Variants in PRKAR1B observed in about 807,000 individuals in gnomAD.
PRKAR1B encodes the protein cAMP-dependent protein kinase type I-beta regulatory subunit.
In PRKAR1B, 22 loss-of-function variants were observed where a neutral mutation model predicts 46.5. That is an observed-to-expected ratio of 0.47 (90% CI 0.34 to 0.68). PRKAR1B has a LOEUF of 0.68. PRKAR1B is among the 30% of genes least tolerant of loss of function. The pLI is 0.01. For missense variants in PRKAR1B, 445 were observed against 535.6 expected (o/e 0.83, Z 1.67); for synonymous variants, 259 against 217.7 (o/e 1.19, Z -1.67).
chr7:607,122 G>C lies in PRKAR1B; in HGVS notation c.502+269C>G, dbSNP rs192280650. Among the ~76,000 whole-genome samples, 338 of 152,218 alleles carry C rather than the reference G, an allele frequency of 2.2e-3. No homozygotes were observed. Among genetic ancestry groups the C allele is most frequent in the Middle Eastern group, 6.8e-3 (2 of 294 alleles). On this transcript the variant is annotated intron_variant, in intron 5 of 10. Transcript: ENST00000537384. ...AGGTTCAAGCGATTCTCCTGCCTCA[G>C]CCTCTGGAGCAGCTGGGATTACAGG...
At chr7:599,474 G>A (rs555659113) in intron 6 of PRKAR1B, among the ~76,000 whole-genome samples, 1 of 151,788 alleles carries the variant, frequency 6.6e-6, no homozygotes, top group Non-Finnish European at 1.5e-5. Flanking sequence ...TTTTAGTAGA[G>A]ACGGGGTTTC....
At chr7:688,464 GC>G (rs1269830934) in intron 2 of PRKAR1B, among the ~76,000 whole-genome samples, 1 of 150,536 alleles carries the variant, frequency 6.6e-6, no homozygotes, top group African/African-American at 2.4e-5. Context: ...CCCTCCAATG[GC>G]CTCCGATCTG....
chr7:660,492 C>A (rs1785455253), intron 4 of PRKAR1B, among the ~76,000 whole-genome samples: 7 of 127,128 alleles, frequency 5.5e-5, no homozygotes, highest in Middle Eastern at 4.2e-3. Context: ...CAGGTCCCCA[C>A]CCCAACAGAT....
chr7:643,488 C>T (rs930719182), intron 4 of PRKAR1B, among the ~76,000 whole-genome samples: 5 of 151,254 alleles, frequency 3.3e-5, no homozygotes, highest in Non-Finnish European at 5.9e-5. Context: ...TTTGGGAGGC[C>T]GAGGCAGGCA....
At chr7:584,969 G>A (rs1299051305) in intron 7 of PRKAR1B, among the ~76,000 whole-genome samples, 1 of 152,140 alleles carries the variant, frequency 6.6e-6, no homozygotes, top group East Asian at 1.9e-4. Context: ...TCAAGCACAT[G>A]ACGTAGAAGG....
intron 4 of PRKAR1B, among the ~76,000 whole-genome samples, chr7:637,858 A>G (rs1266326537): frequency 6.6e-6 from 1 of 152,108 alleles, no homozygotes; most frequent in African/African-American, 2.4e-5. Context: ...TAAATAAATA[A>G]CAGGGAAGAT....
chr7:572,198 C>A (rs949822868), intron 9 of PRKAR1B, among the ~76,000 whole-genome samples: 1 of 152,188 alleles, frequency 6.6e-6, no homozygotes, highest in African/African-American at 2.4e-5. Context: ...GCGGTGGGTA[C>A]CATAGCTCTC....
chr7:562,986 G>C (rs1308496386), intron 9 of PRKAR1B, among the ~76,000 whole-genome samples: 5 of 152,206 alleles, frequency 3.3e-5, no homozygotes, highest in African/African-American at 1.2e-4. Flanking sequence ...ACTGACCAGG[G>C]TGCTGGACAC....
intron 4 of PRKAR1B, among the ~76,000 whole-genome samples, chr7:632,504 G>C (rs776560958): frequency 6.6e-6 from 1 of 152,286 alleles, no homozygotes; most frequent in South Asian, 2.1e-4. Context: ...CAGTGTCCCC[G>C]CTGCCGGGTC....
chr7:597,385 C>A (rs534447116), intron 6 of PRKAR1B, among the ~76,000 whole-genome samples: 28 of 152,314 alleles, frequency 1.8e-4, no homozygotes, highest in African/African-American at 6.5e-4. Context: ...TTCGGAGGCA[C>A]AGGGGCGACT....
In PRKAR1B at chr7:726,467, C is replaced by A. The variant is rs942389715; in HGVS notation, c.-23+743G>T. 1.7e-5 allele frequency: 6 copies of A among 354,148 alleles called. No individual in the cohort carries two copies. In the South Asian group the frequency reaches 4.5e-4, roughly 27 times the overall value. The allele number at this position is 354,148 out of a possible 1,614,324, so 21.9% of individuals were successfully genotyped here. On this transcript the variant is annotated intron_variant, in intron 1 of 10. Transcript: ENST00000537384. ...TATAGCCCGGGACCCGCATCCCGGG[C>A]GAGCTGCACCCTCCCGAGACCTTCC...
chr7:626,873 T>C (rs989316415), intron 4 of PRKAR1B, among the ~76,000 whole-genome samples: 17 of 151,708 alleles, frequency 1.1e-4, no homozygotes, highest in African/African-American at 4.1e-4. Context: ...CATGCTCAGC[T>C]AATTTTTATT....
At chr7:596,615 G>A (rs1303953378) in intron 6 of PRKAR1B, among the ~76,000 whole-genome samples, 2 of 152,202 alleles carry the variant, frequency 1.3e-5, no homozygotes, top group Non-Finnish European at 2.9e-5. Flanking sequence ...CCGCTCTGCG[G>A]CACAGCGGCC....
chr7:612,124 AATGGATGGATGGATGGATGTAAGG>A (rs1782541261), intron 4 of PRKAR1B, among the ~76,000 whole-genome samples: 3 of 140,000 alleles, frequency 2.1e-5, no homozygotes, highest in African/African-American at 8.2e-5. Flanking sequence ...TGAGTAGATT[AATGGATGGATGGATGGATGTAAGG>A]ATGGATGATG....
chr7:671,195 T>C (rs1204152965), intron 4 of PRKAR1B, among the ~76,000 whole-genome samples: 1 of 147,564 alleles, frequency 6.8e-6, no homozygotes, highest in Admixed American at 6.7e-5. Context: ...GTTGCCTTCA[T>C]CGAGCTCCGC....
chr7:614,352 T>C (rs747572710), intron 4 of PRKAR1B, among the ~76,000 whole-genome samples: 14 of 152,236 alleles, frequency 9.2e-5, no homozygotes, highest in Non-Finnish European at 1.5e-4. Flanking sequence ...CTGGGTTGAA[T>C]GCCTTTCACC....
intron 6 of PRKAR1B, 142 bp from the exon 7 acceptor site, chr7:596,446 GCCCTGCGTT>G: frequency 9.5e-7 from 1 of 1,049,302 alleles, no homozygotes. Flanking sequence ...TGTGGGCAGA[GCCCTGCGTT>G]CCCCAGCAAT....
chr7:661,400 TC>T (rs772798544), intron 4 of PRKAR1B, among the ~76,000 whole-genome samples: 1 of 47,938 alleles, frequency 2.1e-5, no homozygotes, highest in Non-Finnish European at 3.7e-5. Flanking sequence ...ATACCTACTC[TC>T]CCCCCACCAT....
chr7:576,394 G>A (rs549814456), intron 9 of PRKAR1B, among the ~76,000 whole-genome samples: 8 of 152,272 alleles, frequency 5.3e-5, no homozygotes, highest in African/African-American at 1.4e-4. Context: ...ACTGTTGAAC[G>A]AGTCCTCTAC....
Sources: allele counts gnomAD v4.1 joint callset (sites outside exome capture counted in the v4.1 genomes callset), GRCh38; gene constraint gnomAD v4.1.1; transcripts MANE v1.5; gene names NCBI Gene and HGNC (gene_info 2026-07-23, HGNC 2026-07-21).